The following RUFY3 variants were observed in gnomAD, a reference collection of about 807,000 sequenced individuals.
The protein encoded by RUFY3 is RUN and FYVE domain containing 3.
RUFY3 carries 34 observed loss-of-function variants against 84.0 expected under a neutral mutation model. The observed-to-expected ratio is 0.40, with a 90% CI of 0.31 to 0.54. The LOEUF (loss-of-function observed/expected upper bound fraction) is 0.54, where lower values mean the gene tolerates loss of function less well. Among genes scored for constraint, RUFY3 ranks in the 20% least tolerant of loss-of-function variants. RUFY3 has a pLI of 0.39. For synonymous variants in RUFY3, 242 were observed against 252.9 expected, an observed-to-expected ratio of 0.96 and a Z score of 0.41; for missense variants, 507 against 736.8, an observed-to-expected ratio of 0.69 and a Z score of 3.61.
At chr4:70,720,406 A>T (rs1742131109), upstream of RUFY3, among the ~76,000 whole-genome samples, 1 of 151,912 alleles carries the variant, frequency 6.6e-6, no homozygotes, top group Admixed American at 6.6e-5. Context: ...CTGGTCTCGA[A>T]CTCCTGACCT....
At position 70,808,193 on chromosome 4, in the gene RUFY3, T is replaced by TTTTC. The variant is rs1487839609; in HGVS notation, c.*1538_*1541dup. Among the ~76,000 whole-genome samples, 3 of 152,142 alleles carry TTTTC rather than the reference T, an allele frequency of 2.0e-5. No homozygotes were observed. The highest frequency in any genetic ancestry group is 7.2e-5 in the African/African-American group (3 of 41,426). On this transcript the variant is annotated 3_prime_UTR_variant, in exon 18 of 18. Coordinates refer to ENST00000381006, the MANE Select transcript of RUFY3 (RefSeq NM_001037442.4). ...TTGCTTTTTTGGAACTTTGTGGAAT[T>TTTTC]TTTCTTTTTCTGAATATTTTTGATT...
chr4:70,793,164 C>T (rs897312268), intron 12 of RUFY3: 96 of 985,770 alleles, frequency 9.7e-5, no homozygotes, highest in Non-Finnish European at 1.1e-4. Context: ...GTTCTTTGTC[C>T]ACTTAGTCAC....
chr4:70,733,095 G>GGAGAGAGAGAGAGAGAGGAGAGA (rs1719617345), intron 1 of RUFY3, among the ~76,000 whole-genome samples: 1 of 61,710 alleles, frequency 1.6e-5, no homozygotes, highest in African/African-American at 8.4e-5. Flanking sequence ...GAGAGAGAGA[G>GGAGAGAGAGAGAGAGAGGAGAGA]GAGAGAGAGA....
At chr4:70,774,644 A>AAAAAAAAAAATAT (rs1553916771) in intron 6 of RUFY3, among the ~76,000 whole-genome samples, 1 of 56,686 alleles carries the variant, frequency 1.8e-5, no homozygotes, top group African/African-American at 8.4e-5. Context: ...AAAAAAAAAA[A>AAAAAAAAAAATAT]ATATATATAT....
chr4:70,800,885 T>C (rs1732139702), intron 15 of RUFY3, among the ~76,000 whole-genome samples: 1 of 148,870 alleles, frequency 6.7e-6, no homozygotes, highest in South Asian at 2.1e-4. Flanking sequence ...CTGTCTCAAA[T>C]AAAAAAAAAA....
chr4:70,801,587 A>G, intron 15 of RUFY3, among the ~76,000 whole-genome samples: 1 of 152,326 alleles, frequency 6.6e-6, no homozygotes, highest in African/African-American at 2.4e-5. Context: ...TTTTGAGAGA[A>G]CTATACAGCT....
At chr4:70,705,756 C>G (rs1011579675) in intron 1 of RUFY3, among the ~76,000 whole-genome samples, 3 of 152,280 alleles carry the variant, frequency 2.0e-5, no homozygotes, top group South Asian at 4.1e-4. Flanking sequence ...TTCGGGCTCC[C>G]GGCGCCGCGG....
At position 70,776,224 on chromosome 4, in the gene RUFY3, A is replaced by G. The variant is rs116169509; in HGVS notation, c.824+991A>G. ...ACCTATGATAAAGTTTAATTTATAA[A>G]TTAGGCAAGGTAGGAGATTAGCAAC... On this transcript the variant is annotated intron_variant, in intron 7 of 17. Coordinates refer to ENST00000381006, the MANE Select transcript of RUFY3 (RefSeq NM_001037442.4). Among the ~76,000 whole-genome samples, 458 of 152,310 alleles carry G rather than the reference A, an allele frequency of 3.0e-3. 3 individuals carry two copies. The highest frequency in any genetic ancestry group is 0.011 in the African/African-American group (443 of 41,570).
chr4:70,705,415 G>A (rs1458645430), intron 1 of RUFY3: 1 of 668,940 alleles, frequency 1.5e-6, no homozygotes, highest in Admixed American at 4.4e-5. Flanking sequence ...TGGCCGGGAG[G>A]CGGGGGCTTT....
intron 15 of RUFY3, among the ~76,000 whole-genome samples, chr4:70,800,757 C>T (rs1732125174): frequency 6.6e-6 from 1 of 152,158 alleles, no homozygotes; most frequent in Non-Finnish European, 1.5e-5. Flanking sequence ...TGGTACCTGC[C>T]TGTAATCCCA....
intron 8 of RUFY3, among the ~76,000 whole-genome samples, chr4:70,782,136 G>A (rs1729025389): frequency 6.6e-6 from 1 of 152,066 alleles, no homozygotes; most frequent in Non-Finnish European, 1.5e-5. Context: ...GTTCCATGGT[G>A]TGACAGGACC....
intron 1 of RUFY3, among the ~76,000 whole-genome samples, chr4:70,731,398 CTT>C (rs1719252591): frequency 6.6e-6 from 1 of 152,104 alleles, no homozygotes; most frequent in African/African-American, 2.4e-5. Context: ...TCTTTTTCCT[CTT>C]TTCACTCACT....
At chr4:70,765,479 T>C (rs1725728291) in intron 4 of RUFY3, among the ~76,000 whole-genome samples, 1 of 152,070 alleles carries the variant, frequency 6.6e-6, no homozygotes, top group Non-Finnish European at 1.5e-5. Context: ...ATTACACAGA[T>C]AGATGTGTTT....
chr4:70,782,439 T>C (rs112775549), intron 8 of RUFY3, among the ~76,000 whole-genome samples: 12,773 of 151,288 alleles, frequency 0.084, 876 homozygotes, highest in East Asian at 0.2. Flanking sequence ...CACACACCAC[T>C]ACGCCCAGCT....
At chr4:70,791,515 C>A in intron 12 of RUFY3, 2 of 1,357,482 alleles carry the variant, frequency 1.5e-6, no homozygotes, top group Non-Finnish European at 1.9e-6. Context: ...GTATAAGTTC[C>A]TAATTAAAAG....
intron 4 of RUFY3, among the ~76,000 whole-genome samples, chr4:70,765,561 T>C (rs1162603274): frequency 6.6e-6 from 1 of 152,158 alleles, no homozygotes; most frequent in Non-Finnish European, 1.5e-5. Flanking sequence ...TCAGCCATAT[T>C]CCACTTCTGA....
At chr4:70,734,536 G>A (rs1288069531) in intron 1 of RUFY3, 6 of 985,286 alleles carry the variant, frequency 6.1e-6, no homozygotes, top group Admixed American at 6.1e-5. Flanking sequence ...TTCTGGACAC[G>A]GTTCATCCCT....
chr4:70,781,265 T>C (rs1728871836), intron 8 of RUFY3, among the ~76,000 whole-genome samples: 2 of 152,054 alleles, frequency 1.3e-5, no homozygotes, highest in Non-Finnish European at 2.9e-5. Context: ...AGGAGGATCG[T>C]TTGAGGCCAA....
At chr4:70,770,408 T>G (rs1019247446) in intron 5 of RUFY3, among the ~76,000 whole-genome samples, 1 of 152,230 alleles carries the variant, frequency 6.6e-6, no homozygotes, top group Non-Finnish European at 1.5e-5. Flanking sequence ...TAATTAGATC[T>G]TCTGGATAAC....
Sources: allele counts gnomAD v4.1 joint callset (sites outside exome capture counted in the v4.1 genomes callset), GRCh38; gene constraint gnomAD v4.1.1; transcripts MANE v1.5; gene names NCBI Gene and HGNC (gene_info 2026-07-23, HGNC 2026-07-21).